PPP3CC: variants seen among roughly 807,000 people sequenced by gnomAD.
The protein encoded by PPP3CC is protein phosphatase 3 catalytic subunit gamma.
PPP3CC carries 35 observed loss-of-function variants against 60.3 expected under a neutral mutation model. The observed-to-expected ratio is 0.58, with a 90% CI of 0.44 to 0.77. PPP3CC has a LOEUF of 0.77. Among genes scored for constraint, PPP3CC ranks in the 30% least tolerant of loss-of-function variants. The pLI is 0.00. For synonymous variants in PPP3CC, 206 were observed against 224.3 expected (o/e 0.92, Z 0.73); for missense variants, 570 against 628.9 (o/e 0.91, Z 1.00).
At chr8:22,461,009 C>G (rs958194748) in intron 1 of PPP3CC, among the ~76,000 whole-genome samples, 9 of 151,956 alleles carry the variant, frequency 5.9e-5, no homozygotes, top group African/African-American at 2.2e-4. Flanking sequence ...CCATGCCCGG[C>G]TAATTTTTGT....
At chr8:22,509,968 G>A (rs755316563) in intron 4 of PPP3CC, among the ~76,000 whole-genome samples, 11 of 152,234 alleles carry the variant, frequency 7.2e-5, no homozygotes, top group South Asian at 2.1e-4. Flanking sequence ...GGCGGATTGC[G>A]GGGTCAGGAG....
intron 5 of PPP3CC, 56 bp downstream of exon 5, chr8:22,511,287 TTTGTTGTTG>T (rs1022709358): frequency 1.3e-6 from 2 of 1,543,504 alleles, no homozygotes; most frequent in Middle Eastern, 1.8e-4. Context: ...GTTGGGTTTT[TTTGTTGTTG>T]TTGTTTGCTT....
intron 3 of PPP3CC, among the ~76,000 whole-genome samples, chr8:22,494,036 A>G (rs1227319879): frequency 1.3e-5 from 2 of 152,062 alleles, no homozygotes; most frequent in Admixed American, 1.3e-4. Context: ...GTTCATTTTA[A>G]TTTTATGGGA....
intron 1 of PPP3CC, among the ~76,000 whole-genome samples, chr8:22,468,216 G>A (rs1157327257): frequency 1.3e-5 from 2 of 152,120 alleles, no homozygotes; most frequent in Non-Finnish European, 2.9e-5. Context: ...TGACTACCCT[G>A]TCTCAGCCTC....
rs1248495875 is a variant in PPP3CC, at chr8:22,539,507, A to G, written c.1351+9A>G. 3.7e-6 allele frequency: 6 copies of G among 1,613,392 alleles called. No homozygotes were observed. The highest frequency in any genetic ancestry group is 5.1e-6 in the Non-Finnish European group (6 of 1,179,682). ...GGTAGAGGCCCGGGAAGGTATGGCC[A>G]TATTACTCTGATAGATGTGATCCAT... is the stretch of plus-strand genomic sequence containing the variant. On this transcript the variant is annotated intron_variant, in intron 13 of 13. Coordinates refer to ENST00000240139, the MANE Select transcript of PPP3CC (RefSeq NM_005605.5).
intron 8 of PPP3CC, chr8:22,523,786 G>T: frequency 2.9e-6 from 1 of 343,112 alleles, no homozygotes; most frequent in Non-Finnish European, 6.0e-6. Context: ...GATACCATTT[G>T]GGGTCAGAAA....
At chr8:22,447,615 C>A (rs762439972) in intron 1 of PPP3CC, among the ~76,000 whole-genome samples, 1 of 152,024 alleles carries the variant, frequency 6.6e-6, no homozygotes. Context: ...CTGCGCCCTG[C>A]CTTTTATAGT....
At chr8:22,484,928 G>A (rs1838179767) in intron 3 of PPP3CC, among the ~76,000 whole-genome samples, 1 of 152,216 alleles carries the variant, frequency 6.6e-6, no homozygotes, top group Admixed American at 6.5e-5. Context: ...AAGTGATTCA[G>A]CTAGCTTTGA....
chr8:22,473,089 C>T (rs911723031), intron 1 of PPP3CC, among the ~76,000 whole-genome samples: 6 of 152,092 alleles, frequency 3.9e-5, no homozygotes, highest in Non-Finnish European at 5.9e-5. Flanking sequence ...GAAAGCATGA[C>T]GAAACTTATA....
chr8:22,513,826 G>C (rs1839161624), intron 6 of PPP3CC, among the ~76,000 whole-genome samples: 1 of 152,160 alleles, frequency 6.6e-6, no homozygotes, highest in Admixed American at 6.5e-5. Context: ...TCCAAATTTT[G>C]TAACCACTAG....
intron 1 of PPP3CC, among the ~76,000 whole-genome samples, chr8:22,471,280 C>CT (rs557089522): frequency 0.12 from 14,940 of 128,622 alleles, 1,049 homozygotes; most frequent in African/African-American, 0.17. Context: ...CTTGATCATT[C>CT]TTTTTTTTTT....
At chr8:22,477,071 GTC>G in intron 3 of PPP3CC, among the ~76,000 whole-genome samples, 1 of 152,228 alleles carries the variant, frequency 6.6e-6, no homozygotes, top group South Asian at 2.1e-4. Flanking sequence ...AATGTCCAAG[GTC>G]TCTAAATAGG....
At chr8:22,504,757 T>G (rs1838863496) in intron 4 of PPP3CC, among the ~76,000 whole-genome samples, 1 of 128,426 alleles carries the variant, frequency 7.8e-6, no homozygotes, top group Non-Finnish European at 1.6e-5. Context: ...CTCTGTTCCC[T>G]AGGTTGGAAC....
At chr8:22,539,330 A>C in intron 12 of PPP3CC, 139 bp from the exon 13 acceptor site, 7 of 678,000 alleles carry the variant, frequency 1.0e-5, no homozygotes, top group Non-Finnish European at 1.7e-5. Context: ...TCGCTTCTCT[A>C]ACTAGTTGAC....
At chr8:22,489,749 TTATA>T (rs1284708507) in intron 3 of PPP3CC, among the ~76,000 whole-genome samples, 1 of 143,252 alleles carries the variant, frequency 7.0e-6, no homozygotes, top group Non-Finnish European at 1.5e-5. Flanking sequence ...TAAGTATATA[TTATA>T]TATAAGTATA....
At chr8:22,470,667 A>G (rs1837694828) in intron 1 of PPP3CC, among the ~76,000 whole-genome samples, 1 of 152,228 alleles carries the variant, frequency 6.6e-6, no homozygotes, top group African/African-American at 2.4e-5. Context: ...AAGGTCCTCA[A>G]CATCACTACT....
chr8:22,517,773 G>A (rs191701281), intron 6 of PPP3CC, among the ~76,000 whole-genome samples: 9 of 151,736 alleles, frequency 5.9e-5, no homozygotes, highest in Non-Finnish European at 1.0e-4. Context: ...CTAAGGGTTT[G>A]TCAATTTTGT....
intron 1 of PPP3CC, among the ~76,000 whole-genome samples, chr8:22,467,015 G>C (rs1837541775): frequency 1.3e-5 from 2 of 152,132 alleles, no homozygotes. Flanking sequence ...CAAAGTGCTG[G>C]GATTACAGGA....
At chr8:22,441,810 CT>C (rs1703901891) in intron 1 of PPP3CC, among the ~76,000 whole-genome samples, 1 of 152,198 alleles carries the variant, frequency 6.6e-6, no homozygotes, top group Non-Finnish European at 1.5e-5. Context: ...GGAGTCGACT[CT>C]TCCAAGTAAG....
Sources: allele counts gnomAD v4.1 joint callset (sites outside exome capture counted in the v4.1 genomes callset), GRCh38; gene constraint gnomAD v4.1.1; transcripts MANE v1.5; gene names NCBI Gene and HGNC (gene_info 2026-07-23, HGNC 2026-07-21).